Variants in AP5Z1 observed in about 807,000 individuals in gnomAD.
AP5Z1 encodes adaptor related protein complex 5 subunit zeta 1.
Under a neutral mutation model 83.0 loss-of-function variants are expected in AP5Z1, and 106 were observed. That is an observed-to-expected ratio of 1.28 (90% CI 1.09 to 1.50). The LOEUF (loss-of-function observed/expected upper bound fraction) is 1.50. AP5Z1 is among the 40% of genes most tolerant of loss of function. The pLI is 0.00. For synonymous variants in AP5Z1, 751 were observed against 514.1 expected (o/e 1.46, Z -6.23); for missense variants, 1,565 against 1,094.2 (o/e 1.43, Z -6.07).
intron 12 of AP5Z1, 81 bp from the exon 13 acceptor site, chr7:4,788,759 G>A (rs1410967137): frequency 8.0e-7 from 1 of 1,243,192 alleles, no homozygotes. Flanking sequence ...CTGTGCGAGA[G>A]GGAGCAGTGG....
intron 16 of AP5Z1, 86 bp from the exon 17 acceptor site, chr7:4,791,029 G>A: frequency 1.4e-6 from 2 of 1,474,444 alleles, no homozygotes; most frequent in South Asian, 2.7e-5. Context: ...CCACTCTGCT[G>A]GGCGCTTCAG....
chr7:4,785,934 C>G (rs1245015090), intron 9 of AP5Z1, among the ~76,000 whole-genome samples: 1 of 152,026 alleles, frequency 6.6e-6, no homozygotes, highest in African/African-American at 2.4e-5. Flanking sequence ...GATTGCTGTG[C>G]CAGATGTTGG....
intron 1 of AP5Z1, among the ~76,000 whole-genome samples, chr7:4,779,939 G>A (rs1781336152): frequency 6.6e-6 from 1 of 152,120 alleles, no homozygotes; most frequent in Admixed American, 6.6e-5. Context: ...CACCGTGCGT[G>A]GCCGAATTTT....
rs546900241 is a variant in AP5Z1 at position 4,780,148 on chromosome 7, GTTCT to G, written c.42-1020_42-1017del. Among the ~76,000 whole-genome samples the G allele has an allele frequency of 3.3e-5, 5 of 152,184 alleles. No homozygotes were observed. In the South Asian group the frequency reaches 8.3e-4, roughly 25 times the overall value. ...ACAGCAACCCCTTTGCGCATTATTG[GTTCT>G]TTCTTTTAGACTGGGATAGAAACCT... On this transcript the variant is annotated intron_variant, in intron 1 of 16. Transcript: ENST00000649063.
At chr7:4,788,744 C>T in intron 12 of AP5Z1, 96 bp from the exon 13 acceptor site, 1 of 1,117,510 alleles carries the variant, frequency 8.9e-7, no homozygotes, top group Non-Finnish European at 1.3e-6. Context: ...TGGGAGCGGG[C>T]TCAGCTGTGC....
At position 4,775,655 on chromosome 7, in the gene AP5Z1, G is replaced by T. The variant is rs890277210; in HGVS notation, c.-61G>T. The T allele has an allele frequency of 1.5e-5, 24 of 1,599,598 alleles. No homozygotes were observed. The highest frequency in any genetic ancestry group is 1.4e-5 in the Non-Finnish European group (17 of 1,177,620). ...TCCCGGAAGTTGACCGGGGTGCGGA[G>T]CTCCTGGGCTGCAGCTCCTGGAGTT... On this transcript the variant is annotated 5_prime_UTR_variant, in exon 1 of 17. Coordinates refer to ENST00000649063, the MANE Select transcript of AP5Z1 (RefSeq NM_014855.3).
chr7:4,783,324 A>G lies in AP5Z1; in HGVS notation c.375A>G (p.Arg125=). 1 of 1,608,690 alleles carries G rather than the reference A, an allele frequency of 6.2e-7. No homozygotes were observed. Among genetic ancestry groups the G allele is most frequent in the Non-Finnish European group, 8.5e-7 (1 of 1,177,378 alleles). Residue 125 remains arginine, a synonymous_variant, in exon 4 of 17, where the codon AGA becomes AGG. Transcript: ENST00000649063. ...VASVLLAQGD[R]NEEVRAVGQG... ...CCCTGTTTGATTTGAAGGGTGACAG[A>G]AACGAGGAGGTCAGAGCCGTGGGCC... is the stretch of plus-strand genomic sequence containing the variant.
intron 14 of AP5Z1, chr7:4,790,139 G>C: frequency 1.4e-6 from 2 of 1,462,898 alleles, no homozygotes; most frequent in African/African-American, 2.9e-5. Flanking sequence ...CCTTCTTTCT[G>C]CCGAGCCTGT....
chr7:4,775,653 G>C lies in AP5Z1; in HGVS notation c.-63G>C, dbSNP rs1781203057. ...GGTCCCGGAAGTTGACCGGGGTGCG[G>C]AGCTCCTGGGCTGCAGCTCCTGGAG... On this transcript the variant is annotated 5_prime_UTR_variant, in exon 1 of 17. Transcript: ENST00000649063. 4 of 1,598,378 alleles carry C rather than the reference G, an allele frequency of 2.5e-6. No homozygotes were observed. The Admixed American group carries it at 5.1e-5, about 20-fold the overall frequency.
In AP5Z1 at chr7:4,787,781, G is replaced by GC. The variant is rs766691654; in HGVS notation, c.1454+9dup. 2 of 1,528,232 alleles carry GC rather than the reference G, an allele frequency of 1.3e-6. No homozygotes were observed. Among genetic ancestry groups the GC allele is most frequent in the African/African-American group, 1.4e-5 (1 of 72,812 alleles). The allele number at this position is 1,528,232 out of a possible 1,614,324, so 94.7% of individuals were successfully genotyped here. A position where few individuals can be genotyped will look rare whatever the true frequency, so the allele number is the denominator to read the frequency against. ...GGTGCTGGACCTGCAGCTCAGGTGG[G>GC]CCCCTCACCCTCTGCCAGCGCTGCG... On this transcript the variant is annotated splice_donor_region_variant and intron_variant, in intron 11 of 16. Transcript: ENST00000649063.
Position 4,785,147 on chromosome 7 carries a change from A to G in AP5Z1, c.931+99A>G. 5 of 1,495,852 alleles carry G rather than the reference A, an allele frequency of 3.3e-6. No homozygotes were observed. The South Asian group carries it at 5.4e-5, about 16-fold the overall frequency. 92.7% of individuals were successfully genotyped at this position (1,495,852 alleles called of 1,614,324 possible). A position where few individuals can be genotyped will look rare whatever the true frequency, so the allele number is the denominator to read the frequency against. On this transcript the variant is annotated intron_variant, in intron 7 of 16. Coordinates refer to ENST00000649063, the MANE Select transcript of AP5Z1 (RefSeq NM_014855.3). ...CACAGCTTCCCTGAGCTACTGCTCC[A>G]CAGAGGGGGTCCCTGGGTAGCCGGT...
chr7:4,782,080 T>C (rs1583228726), intron 3 of AP5Z1, among the ~76,000 whole-genome samples: 2 of 152,232 alleles, frequency 1.3e-5, no homozygotes, highest in Non-Finnish European at 2.9e-5. Flanking sequence ...AGAAACAGGG[T>C]CTCACTCTGC....
At chr7:4,779,733 C>T (rs1406561601) in intron 1 of AP5Z1, among the ~76,000 whole-genome samples, 3 of 151,954 alleles carry the variant, frequency 2.0e-5, no homozygotes, top group Non-Finnish European at 4.4e-5. Context: ...CTCCTCCTCC[C>T]GGGTTCAAGT....
In AP5Z1 at chr7:4,791,863, C is replaced by G. The variant is rs1781787461; in HGVS notation, c.*478C>G. The G allele has an allele frequency of 6.2e-6, 1 of 160,066 alleles. No individual in the cohort carries two copies. The highest frequency in any genetic ancestry group is 2.4e-5 in the African/African-American group (1 of 41,660). The allele number at this position is 160,066 out of a possible 1,614,324, so 9.9% of individuals were successfully genotyped here. A position where few individuals can be genotyped will look rare whatever the true frequency, so the allele number is the denominator to read the frequency against. On this transcript the variant is annotated 3_prime_UTR_variant, in exon 17 of 17. Transcript: ENST00000649063. The stretch of plus-strand genomic sequence containing the variant: ...GCTGCTGCCAGTCCTGGAGGCTCAG[C>G]CCGGCGTGCCACTGCTGCTACAGAA...
chr7:4,789,152 G>C, intron 13 of AP5Z1: 1 of 533,358 alleles, frequency 1.9e-6, no homozygotes, highest in Non-Finnish European at 3.3e-6. Flanking sequence ...CTTTATTCCA[G>C]CAGGCCCCGT....
chr7:4,784,475 C>G, intron 6 of AP5Z1, 104 bp downstream of exon 6: 1 of 1,356,096 alleles, frequency 7.4e-7, no homozygotes, highest in Non-Finnish European at 9.9e-7. Flanking sequence ...CGGGTGTGCC[C>G]AGGATGCAGC....
At chr7:4,777,230 A>G (rs1413167616) in intron 1 of AP5Z1, among the ~76,000 whole-genome samples, 1 of 152,132 alleles carries the variant, frequency 6.6e-6, no homozygotes, top group Non-Finnish European at 1.5e-5. Flanking sequence ...CTCAGCATGT[A>G]ACATGTTAAT....
intron 2 of AP5Z1, 85 bp downstream of exon 2, chr7:4,781,397 C>T (rs1264662998): frequency 1.9e-6 from 3 of 1,592,666 alleles, no homozygotes; most frequent in Non-Finnish European, 1.7e-6. Flanking sequence ...ACTGCAGATG[C>T]TCCTTGGGGG....
intron 14 of AP5Z1, chr7:4,790,216 C>G (rs868192737): frequency 6.4e-7 from 1 of 1,550,594 alleles, no homozygotes; most frequent in South Asian, 1.2e-5. Flanking sequence ...CTCCAAAGGC[C>G]TGATGCATGC....
Sources: allele counts gnomAD v4.1 joint callset (sites outside exome capture counted in the v4.1 genomes callset), GRCh38; gene constraint gnomAD v4.1.1; transcripts MANE v1.5; gene names NCBI Gene and HGNC (gene_info 2026-07-23, HGNC 2026-07-21).